NXPE2: variants seen among roughly 807,000 people sequenced by gnomAD.
NXPE2 encodes the protein NXPE family member 2.
A neutral mutation model predicts 34.4 loss-of-function variants in NXPE2; 34 were observed. The observed-to-expected ratio is 0.99, with a 90% CI of 0.75 to 1.31. NXPE2 has a LOEUF of 1.31. NXPE2 is among the 40% of genes most tolerant of loss of function. The probability of loss-of-function intolerance (pLI) is 0.00; values close to 1 mark genes in which losing one functional copy is unlikely to be tolerated. For synonymous variants in NXPE2, 235 were observed against 231.3 expected (o/e 1.02, Z -0.15); for missense variants, 649 against 672.5 (o/e 0.97, Z 0.39).
the NXPE2 span, among the ~76,000 whole-genome samples, chr11:114,726,982 G>T: frequency 5.5e-5 from 5 of 91,482 alleles, no homozygotes; most frequent in Admixed American, 4.5e-4. Flanking sequence ...TTCTTTCTGA[G>T]ATCTCACCAG....
the NXPE2 span, among the ~76,000 whole-genome samples, chr11:114,777,842 C>T: frequency 6.6e-6 from 1 of 152,146 alleles, no homozygotes; most frequent in Non-Finnish European, 1.5e-5. Context: ...AGATGGTGCA[C>T]CTCATTGGCT....
chr11:114,609,751 C>T, the NXPE2 span, among the ~76,000 whole-genome samples: 9 of 151,302 alleles, frequency 5.9e-5, no homozygotes, highest in South Asian at 4.2e-4. Context: ...CACTGTTACC[C>T]GGTGGACAAT....
the NXPE2 span, among the ~76,000 whole-genome samples, chr11:114,569,701 C>T: frequency 1.3e-5 from 2 of 152,090 alleles, no homozygotes; most frequent in African/African-American, 2.4e-5. Flanking sequence ...GCCACTGCAG[C>T]GTCAAACCCC....
At chr11:114,581,426 A>T in the NXPE2 span, among the ~76,000 whole-genome samples, 1 of 152,130 alleles carries the variant, frequency 6.6e-6, no homozygotes, top group Non-Finnish European at 1.5e-5. Flanking sequence ...TGAGGTAAAG[A>T]AGTGGGTATA....
chr11:114,592,671 A>G, the NXPE2 span, among the ~76,000 whole-genome samples: 3 of 152,190 alleles, frequency 2.0e-5, no homozygotes, highest in African/African-American at 7.2e-5. Flanking sequence ...ATCGAAATAG[A>G]AAAACAATTC....
At chr11:114,761,836 AGTG>A in the NXPE2 span, among the ~76,000 whole-genome samples, 2 of 150,846 alleles carry the variant, frequency 1.3e-5, no homozygotes, top group African/African-American at 2.4e-5. Context: ...GGCCTCCCAA[AGTG>A]CTGGGATTAC....
At chr11:114,557,634 CATATATAT>C in the NXPE2 span, among the ~76,000 whole-genome samples, 11,143 of 128,000 alleles carry the variant, frequency 0.087, 614 homozygotes, top group South Asian at 0.18. Context: ...ATATATAATA[CATATATAT>C]ATATATATAT....
chr11:114,582,917 C>T, the NXPE2 span: 2 of 1,614,138 alleles, frequency 1.2e-6, no homozygotes, highest in Non-Finnish European at 1.7e-6. Flanking sequence ...TGAGTTCAGT[C>T]TCTGTTAGTG....
the NXPE2 span, chr11:114,580,160 C>G: frequency 1.2e-6 from 2 of 1,614,016 alleles, no homozygotes; most frequent in South Asian, 2.2e-5. Flanking sequence ...AGTATTCCAT[C>G]CACTGGCGGA....
chr11:114,764,838 A>G, the NXPE2 span, among the ~76,000 whole-genome samples: 1 of 152,204 alleles, frequency 6.6e-6, no homozygotes, highest in African/African-American at 2.4e-5. Flanking sequence ...ATTTCAGATC[A>G]GTGGGAGTTT....
the NXPE2 span, among the ~76,000 whole-genome samples, chr11:114,635,884 T>A: frequency 2.0e-5 from 3 of 152,124 alleles, no homozygotes; most frequent in Admixed American, 6.6e-5. Context: ...TTATCGAGAA[T>A]TTTTGCATCA....
chr11:114,606,308 A>G, the NXPE2 span, among the ~76,000 whole-genome samples: 3 of 151,520 alleles, frequency 2.0e-5, no homozygotes, highest in Non-Finnish European at 1.5e-5. Context: ...CTCATGGGGA[A>G]CCAGTGTTAC....
the NXPE2 span, among the ~76,000 whole-genome samples, chr11:114,567,437 C>G: frequency 6.6e-6 from 1 of 152,022 alleles, no homozygotes; most frequent in Non-Finnish European, 1.5e-5. Context: ...TCTCTGCTTT[C>G]CAGTGAAATG....
At chr11:114,575,424 T>C in the NXPE2 span, among the ~76,000 whole-genome samples, 19 of 152,060 alleles carry the variant, frequency 1.2e-4, no homozygotes, top group Admixed American at 1.2e-3. Flanking sequence ...CATGATATGA[T>C]AGTATACCTA....
chr11:114,610,686 A>G, the NXPE2 span, among the ~76,000 whole-genome samples: 1 of 151,960 alleles, frequency 6.6e-6, no homozygotes, highest in Non-Finnish European at 1.5e-5. Flanking sequence ...CTCGTGGTTA[A>G]CCACTGTTAC....
chr11:114,611,085 A>G, the NXPE2 span, among the ~76,000 whole-genome samples: 10 of 151,842 alleles, frequency 6.6e-5, no homozygotes, highest in African/African-American at 2.4e-4. Context: ...CTGGTGGATA[A>G]TAAGTGTTGC....
the NXPE2 span, among the ~76,000 whole-genome samples, chr11:114,794,066 G>A: frequency 6.6e-6 from 1 of 151,976 alleles, no homozygotes; most frequent in Non-Finnish European, 1.5e-5. Flanking sequence ...GCTCCTTCCC[G>A]TGATCCCCCC....
At chr11:114,799,291 CAAAAAAAA>C in the NXPE2 span, among the ~76,000 whole-genome samples, 46 of 94,310 alleles carry the variant, frequency 4.9e-4, 1 homozygote, top group South Asian at 3.1e-3. Context: ...GGCAATGAAG[CAAAAAAAA>C]AAAAAAAAAA....
the NXPE2 span, among the ~76,000 whole-genome samples, chr11:114,526,010 G>A: frequency 6.6e-6 from 1 of 152,174 alleles, no homozygotes; most frequent in Non-Finnish European, 1.5e-5. Flanking sequence ...GGATTACATG[G>A]GTAGGCCCAA....
Sources: gnomAD v4.1 joint callset for allele counts (sites outside exome capture counted in the v4.1 genomes callset) on GRCh38, gnomAD v4.1.1 for gene constraint, MANE v1.5 for transcripts, NCBI Gene and HGNC (gene_info 2026-07-23, HGNC 2026-07-21) for gene names.